The following SOX6 variants were observed in gnomAD, a reference collection of about 807,000 sequenced individuals.
SOX6 encodes the protein SRY-box transcription factor 6.
In SOX6, 11 loss-of-function variants were observed where a neutral mutation model predicts 97.8. The ratio of observed to expected loss-of-function variants is 0.11; its 90% CI spans 0.07 to 0.19. The LOEUF (loss-of-function observed/expected upper bound fraction) is 0.19. SOX6 is among the 10% of genes least tolerant of loss of function. SOX6 has a pLI of 1.00. For missense variants in SOX6, 810 were observed against 1,039.5 expected, an observed-to-expected ratio of 0.78 and a Z score of 3.04; for synonymous variants, 360 against 371.4, an observed-to-expected ratio of 0.97 and a Z score of 0.35.
chr11:16,062,108 T>G (rs759733572), intron 9 of SOX6, among the ~76,000 whole-genome samples: 2 of 151,692 alleles, frequency 1.3e-5, no homozygotes. Flanking sequence ...ACAGACAATC[T>G]GCAGAAGGGG....
At chr11:16,538,424 GC>G (rs891170207) in intron 4 of SOX6, among the ~76,000 whole-genome samples, 3 of 152,106 alleles carry the variant, frequency 2.0e-5, no homozygotes, top group Non-Finnish European at 4.4e-5. Context: ...TAATTAATGG[GC>G]AAAATAACCA....
At chr11:16,672,685 G>A (rs1847855967) in intron 3 of SOX6, among the ~76,000 whole-genome samples, 2 of 152,136 alleles carry the variant, frequency 1.3e-5, no homozygotes, top group African/African-American at 2.4e-5. Context: ...TGGGAATTGT[G>A]AGAGTTACAA....
At chr11:16,597,734 A>C (rs1302682098) in intron 4 of SOX6, among the ~76,000 whole-genome samples, 2 of 152,028 alleles carry the variant, frequency 1.3e-5, no homozygotes, top group Non-Finnish European at 2.9e-5. Flanking sequence ...CAAAATAAAG[A>C]GAACTTCTTA....
intron 10 of SOX6, among the ~76,000 whole-genome samples, chr11:16,052,219 A>G (rs966753028): frequency 6.6e-6 from 1 of 152,116 alleles, no homozygotes; most frequent in African/African-American, 2.4e-5. Context: ...CCAACTCCCA[A>G]TTAAGTGAAT....
At chr11:16,075,477 TA>T (rs1848332979) in intron 9 of SOX6, among the ~76,000 whole-genome samples, 1 of 152,098 alleles carries the variant, frequency 6.6e-6, no homozygotes, top group African/African-American at 2.4e-5. Flanking sequence ...TATGTAGCCA[TA>T]AAAAAGGATG....
At chr11:16,188,723 G>C (rs1851549543) in intron 4 of SOX6, among the ~76,000 whole-genome samples, 1 of 152,154 alleles carries the variant, frequency 6.6e-6, no homozygotes, top group Non-Finnish European at 1.5e-5. Flanking sequence ...AGCATGGCAA[G>C]TAGAAGCAGA....
rs566369621 is a variant in SOX6, at chr11:15,967,383, T to C, written c.*5426A>G. On this transcript the variant is annotated 3_prime_UTR_variant, in exon 16 of 16. Coordinates refer to ENST00000683767, the MANE Select transcript of SOX6 (RefSeq NM_001367873.1). Reference sequence around the variant, plus strand: ...CAGCAGCCAGCATGTCAGTCCAGCATGTCAGTGAATTGTGCTGATTAAATT... The same window carrying C: ...CAGCAGCCAGCATGTCAGTCCAGCACGTCAGTGAATTGTGCTGATTAAATT... 6.6e-6 allele frequency: 1 copy of C among 152,242 alleles called. No individual in the cohort carries two copies. Among genetic ancestry groups the C allele is most frequent in the Non-Finnish European group, 1.5e-5 (1 of 68,028 alleles). The allele number at this position is 152,242 out of a possible 1,614,324, so 9.4% of individuals were successfully genotyped here. A position where few individuals can be genotyped will look rare whatever the true frequency, so the allele number is the denominator to read the frequency against.
chr11:16,737,577 A>G (rs1242025876), intron 1 of SOX6, among the ~76,000 whole-genome samples: 1 of 152,182 alleles, frequency 6.6e-6, no homozygotes, highest in East Asian at 1.9e-4. Flanking sequence ...TATTAAGGAC[A>G]AGGATTCTGA....
chr11:16,270,654 A>AACACACAC (rs57034455), intron 3 of SOX6, among the ~76,000 whole-genome samples: 103,128 of 149,304 alleles, frequency 0.69, 36,074 homozygotes, highest in Middle Eastern at 0.74. Flanking sequence ...CACACACACA[A>AACACACAC]ACACACACAC....
At chr11:16,712,075 C>CCACA (rs1848185086) in intron 3 of SOX6, among the ~76,000 whole-genome samples, 1 of 116,968 alleles carries the variant, frequency 8.5e-6, no homozygotes, top group African/African-American at 3.3e-5. Flanking sequence ...GAGTAGTATT[C>CCACA]CATACACACA....
chr11:16,111,781 T>A, intron 7 of SOX6, 22 bp downstream of exon 7: 1 of 1,612,852 alleles, frequency 6.2e-7, no homozygotes, highest in Non-Finnish European at 8.5e-7. Flanking sequence ...TGGAAAAGAA[T>A]GTTAAATCCC....
chr11:16,153,101 G>A (rs757743085), intron 6 of SOX6, among the ~76,000 whole-genome samples: 1 of 152,110 alleles, frequency 6.6e-6, no homozygotes, highest in Non-Finnish European at 1.5e-5. Flanking sequence ...TCTTAACCTT[G>A]TGATCCACCC....
At chr11:16,203,920 C>T (rs1165395626) in intron 4 of SOX6, among the ~76,000 whole-genome samples, 1 of 151,972 alleles carries the variant, frequency 6.6e-6, no homozygotes, top group African/African-American at 2.4e-5. Context: ...TATGAAGCTT[C>T]TCATCTTAAC....
rs1025534138 is a variant in SOX6 at position 16,080,895 on chromosome 11, A to G, written c.1101+15101T>C. ...TAAAAGTTTAAAAATAGCCAGGCAC[A>G]GTGCAACATAGGGAGACCCTGTCTC... is the stretch of plus-strand genomic sequence containing the variant. On this transcript the variant is annotated intron_variant, in intron 9 of 15. Transcript: ENST00000683767. Among the ~76,000 whole-genome samples, 6 of 152,126 alleles carry G rather than the reference A, an allele frequency of 3.9e-5. 1 individual carries two copies. The highest frequency in any genetic ancestry group is 1.4e-4 in the African/African-American group (6 of 41,448).
chr11:15,982,616 C>G (rs905476380), intron 15 of SOX6, among the ~76,000 whole-genome samples: 2 of 151,398 alleles, frequency 1.3e-5, no homozygotes, highest in Non-Finnish European at 2.9e-5. Flanking sequence ...ATAGCTAATA[C>G]AATATAAATG....
chr11:16,455,805 T>C (rs1247429176), intron 1 of SOX6, among the ~76,000 whole-genome samples: 5 of 152,136 alleles, frequency 3.3e-5, no homozygotes, highest in Non-Finnish European at 7.4e-5. Context: ...TCCTAAGTAC[T>C]GAATATACTT....
At chr11:16,221,495 T>G (rs986692205) in intron 4 of SOX6, among the ~76,000 whole-genome samples, 5 of 152,078 alleles carry the variant, frequency 3.3e-5, no homozygotes, top group Non-Finnish European at 4.4e-5. Context: ...CACTTGTGCT[T>G]TTATTGGCAT....
At chr11:16,194,888 C>T (rs1476382805) in intron 4 of SOX6, among the ~76,000 whole-genome samples, 2 of 152,216 alleles carry the variant, frequency 1.3e-5, no homozygotes, top group Non-Finnish European at 2.9e-5. Context: ...TGAAACTTCT[C>T]TCCTTCAATA....
intron 2 of SOX6, among the ~76,000 whole-genome samples, chr11:16,334,797 T>A (rs962008375): frequency 1.9e-4 from 29 of 152,268 alleles, no homozygotes; most frequent in African/African-American, 6.7e-4. Flanking sequence ...CCAAAAATTA[T>A]CCTTAGAAAG....
Sources: gnomAD v4.1 joint callset for allele counts (sites outside exome capture counted in the v4.1 genomes callset) on GRCh38, gnomAD v4.1.1 for gene constraint, MANE v1.5 for transcripts, NCBI Gene and HGNC (gene_info 2026-07-23, HGNC 2026-07-21) for gene names.